MMS22L: variants seen among roughly 807,000 people sequenced by gnomAD.
MMS22L encodes protein MMS22-like.
Under a neutral mutation model 159.1 loss-of-function variants are expected in MMS22L, and 74 were observed. The observed-to-expected ratio is 0.47, with a 90% CI of 0.39 to 0.56. The LOEUF is 0.56. MMS22L is among the 20% of genes least tolerant of loss of function. The pLI, the probability that MMS22L is intolerant of heterozygous loss-of-function variation, is 0.00. For synonymous variants in MMS22L, 517 were observed against 506.9 expected (o/e 1.02, Z -0.27); for missense variants, 1,351 against 1,422.1 (o/e 0.95, Z 0.80).
At chr6:97,170,464 T>C (rs1258082176) in intron 19 of MMS22L, among the ~76,000 whole-genome samples, 1 of 32,236 alleles carries the variant, frequency 3.1e-5, no homozygotes, top group Non-Finnish European at 6.3e-5. Flanking sequence ...AAACCTAAGT[T>C]TTTTTTTTTC....
intron 11 of MMS22L, among the ~76,000 whole-genome samples, chr6:97,238,203 A>T (rs1811614147): frequency 1.3e-5 from 2 of 152,222 alleles, no homozygotes; most frequent in South Asian, 4.1e-4. Flanking sequence ...CGTAAGTATT[A>T]AGTGAAGGTA....
intron 12 of MMS22L, 138 bp from the exon 13 acceptor site, chr6:97,231,790 C>T (rs1031048611): frequency 3.1e-6 from 2 of 650,710 alleles, no homozygotes; most frequent in African/African-American, 1.8e-5. Context: ...ACACGATTCT[C>T]TAAAATAAAA....
At chr6:97,151,553 G>A (rs1391014310) in intron 23 of MMS22L, 1 of 463,050 alleles carries the variant, frequency 2.2e-6, no homozygotes, top group Non-Finnish European at 3.9e-6. Context: ...TAAATTCACA[G>A]GTAATTTTAA....
chr6:97,173,207 A>T lies in MMS22L; in HGVS notation c.2695T>A (p.Tyr899Asn). ...VRFFEAVGVT[Y>N]GNVQTLSDKS... ...TCAGAAAGTGTCTGGACGTTCCCGT[A>T]AGTTACACCAACAGCCTATAAATAA... Residue 899 changes from tyrosine to asparagine, a missense_variant, in exon 19 of 25, where the codon TAC (tyrosine) becomes AAC (asparagine). Transcript: ENST00000683635. The T allele has an allele frequency of 6.2e-7, 1 of 1,613,086 alleles. No individual in the cohort carries two copies.
chr6:97,250,640 T>C (rs1331032167), intron 10 of MMS22L, among the ~76,000 whole-genome samples: 3 of 152,186 alleles, frequency 2.0e-5, no homozygotes, highest in Admixed American at 2.0e-4. Flanking sequence ...CAGATTTTTC[T>C]TACAGGCCTA....
chr6:97,199,308 TATAA>T (rs1806879537), intron 14 of MMS22L, among the ~76,000 whole-genome samples: 1 of 152,192 alleles, frequency 6.6e-6, no homozygotes, highest in African/African-American at 2.4e-5. Flanking sequence ...AATAAATTTT[TATAA>T]ATAAAGGGTC....
At chr6:97,258,410 A>C (rs1412590624) in intron 9 of MMS22L, among the ~76,000 whole-genome samples, 1 of 152,144 alleles carries the variant, frequency 6.6e-6, no homozygotes, top group African/African-American at 2.4e-5. Context: ...CAGAATGGTT[A>C]TTTTGAAACT....
intron 19 of MMS22L, among the ~76,000 whole-genome samples, chr6:97,169,684 G>A (rs1036402093): frequency 6.6e-6 from 1 of 152,158 alleles, no homozygotes; most frequent in African/African-American, 2.4e-5. Context: ...ATGCTGGCTT[G>A]CTCCTCATTT....
chr6:97,203,986 CT>C (rs1390128604), intron 14 of MMS22L, among the ~76,000 whole-genome samples: 1 of 152,144 alleles, frequency 6.6e-6, no homozygotes, highest in African/African-American at 2.4e-5. Context: ...CTGACTACCA[CT>C]TAAAGGCAGC....
chr6:97,182,355 T>C (rs746756542), intron 15 of MMS22L, among the ~76,000 whole-genome samples: 32 of 152,186 alleles, frequency 2.1e-4, no homozygotes, highest in Admixed American at 1.6e-3. Context: ...TTTTGGCTAA[T>C]GTGCCTCCAC....
In MMS22L at chr6:97,146,745, G is replaced by T; in HGVS notation, c.*61C>A. 9.3e-7 allele frequency: 1 copy of T among 1,070,008 alleles called. No homozygotes were observed. Among genetic ancestry groups the T allele is most frequent in the Non-Finnish European group, 1.4e-6 (1 of 723,216 alleles). The allele number at this position is 1,070,008 out of a possible 1,614,324, so 66.3% of individuals were successfully genotyped here. On this transcript the variant is annotated 3_prime_UTR_variant, in exon 25 of 25. Transcript: ENST00000683635. ...TACAATTAATTAAAAGTAGGAATTAGAGTGGAACAATGTGGCTTTAGATAC... is the reference window on the plus strand; with the variant it reads ...TACAATTAATTAAAAGTAGGAATTATAGTGGAACAATGTGGCTTTAGATAC...
chr6:97,198,895 C>T (rs1323741926), intron 14 of MMS22L, among the ~76,000 whole-genome samples: 1 of 152,032 alleles, frequency 6.6e-6, no homozygotes, highest in Non-Finnish European at 1.5e-5. Context: ...ATCATATTTC[C>T]TCTCAATAAA....
At chr6:97,204,745 T>C (rs1383269156) in intron 14 of MMS22L, among the ~76,000 whole-genome samples, 1 of 143,624 alleles carries the variant, frequency 7.0e-6, no homozygotes, top group Non-Finnish European at 1.5e-5. Flanking sequence ...CAGTGAGCCA[T>C]GATCGTGCCA....
chr6:97,159,607 C>T (rs560370377), intron 22 of MMS22L, among the ~76,000 whole-genome samples: 5 of 151,980 alleles, frequency 3.3e-5, no homozygotes, highest in Admixed American at 3.3e-4. Context: ...TATATAGGTC[C>T]AGCATTCCAA....
chr6:97,234,014 T>C (rs1413172826), intron 11 of MMS22L, 34 bp from the exon 12 acceptor site: 28 of 1,594,322 alleles, frequency 1.8e-5, no homozygotes, highest in Non-Finnish European at 2.2e-5. Flanking sequence ...AGAAGGTAAA[T>C]GGGCTCTGGC....
At chr6:97,244,482 GC>G (rs1812421549) in intron 11 of MMS22L, among the ~76,000 whole-genome samples, 1 of 152,180 alleles carries the variant, frequency 6.6e-6, no homozygotes, top group Admixed American at 6.5e-5. Context: ...GAGTCAGTGG[GC>G]TGGGAAAAGC....
rs1332820459 is a variant in MMS22L at position 97,229,338 on chromosome 6, A to C, written c.1595T>G (p.Phe532Cys). The C allele has an allele frequency of 6.2e-7, 1 of 1,612,784 alleles. No homozygotes were observed. Among genetic ancestry groups the C allele is most frequent in the East Asian group, 2.2e-5 (1 of 44,882 alleles). Residue 532 changes from phenylalanine to cysteine, a missense_variant, in exon 14 of 25, where the codon TTT becomes TGT. Transcript: ENST00000683635. ...ELTEVGLQNF[F>C]SLFLLLAAVA... ...AGCTGCTAACAGTAGAAAAAGGCTAAAAAAGTTCTGTAGACCAACTTCAGT... is the reference window on the plus strand; with the variant it reads ...AGCTGCTAACAGTAGAAAAAGGCTACAAAAGTTCTGTAGACCAACTTCAGT...
rs1815885344 is a variant in MMS22L at position 97,272,871 on chromosome 6, C to A, written c.439G>T (p.Val147Leu). 1 of 1,610,564 alleles carries A rather than the reference C, an allele frequency of 6.2e-7. No individual in the cohort carries two copies. Among genetic ancestry groups the A allele is most frequent in the Non-Finnish European group, 8.5e-7 (1 of 1,179,194 alleles). ...VKVFIFRYLK[V>L]QNAESHVPVH... ...GGAACATGACTCTCAGCATTCTGTA[C>A]TTTCAGATACCTAAAAAATAATTAG... is the stretch of plus-strand genomic sequence containing the variant. The change falls in exon 6 of 25, where the codon GTA becomes TTA. Residue 147 changes from valine to leucine, a missense_variant. Transcript: ENST00000683635.
intron 4 of MMS22L, among the ~76,000 whole-genome samples, chr6:97,274,137 A>C (rs960581255): frequency 1.3e-5 from 2 of 152,222 alleles, no homozygotes; most frequent in African/African-American, 4.8e-5. Context: ...AGAATGAGTA[A>C]GAGACAATCT....
Sources: gnomAD v4.1 joint callset for allele counts (sites outside exome capture counted in the v4.1 genomes callset) on GRCh38, gnomAD v4.1.1 for gene constraint, MANE v1.5 for transcripts, NCBI Gene and HGNC (gene_info 2026-07-23, HGNC 2026-07-21) for gene names.